The following PRKN variants were observed in gnomAD, a reference collection of about 807,000 sequenced individuals.
PRKN encodes parkin RBR E3 ubiquitin protein ligase, also known as E3 ubiquitin-protein ligase parkin.
In PRKN, 56 loss-of-function variants were observed where a neutral mutation model predicts 59.5. That is an observed-to-expected ratio of 0.94 (90% CI 0.76 to 1.18). The LOEUF is 1.18. Ranked by LOEUF, PRKN falls within the 50% of genes most tolerant of loss-of-function variation. PRKN has a pLI of 0.00. For synonymous variants in PRKN, 250 were observed against 222.1 expected (o/e 1.13, Z -1.12); for missense variants, 657 against 596.4 (o/e 1.10, Z -1.06).
chr6:161,962,662 G>A (rs1483603089), intron 6 of PRKN, among the ~76,000 whole-genome samples: 1 of 151,318 alleles, frequency 6.6e-6, no homozygotes, highest in Non-Finnish European at 1.5e-5. Flanking sequence ...TCAGCCTCCT[G>A]AGTAGCTGGG....
At chr6:162,110,486 T>C (rs780283153) in intron 4 of PRKN, among the ~76,000 whole-genome samples, 52 of 152,348 alleles carry the variant, frequency 3.4e-4, no homozygotes, top group Non-Finnish European at 6.3e-4. Context: ...CAAACTGTTC[T>C]TTAAAGAAGA....
intron 5 of PRKN, among the ~76,000 whole-genome samples, chr6:162,049,014 G>A (rs999303668): frequency 6.6e-6 from 1 of 152,042 alleles, no homozygotes; most frequent in African/African-American, 2.4e-5. Flanking sequence ...AGAACTAATA[G>A]TATGCTCCCT....
intron 4 of PRKN, among the ~76,000 whole-genome samples, chr6:162,060,094 G>C (rs1471132625): frequency 6.6e-6 from 1 of 152,124 alleles, no homozygotes; most frequent in Admixed American, 6.5e-5. Flanking sequence ...GAAAAAACTT[G>C]CCAACCCCTG....
In PRKN at chr6:162,458,444, A is replaced by AT. The variant is rs377109671; in HGVS notation, c.8-14972dup. ...TCCATCTCAAAAAAAAAAAAAAAAA[A>AT]TTTTTTTTAAATTAATAGAGGTTTG... On this transcript the variant is annotated intron_variant, in intron 1 of 11. Coordinates refer to ENST00000366898, the MANE Select transcript of PRKN (RefSeq NM_004562.3). 3.8e-3 allele frequency among the ~76,000 whole-genome samples: 529 copies of AT among 139,282 alleles called. 8 individuals are homozygous for AT. The highest frequency in any genetic ancestry group is 5.3e-3 in the South Asian group (23 of 4,340). 91.4% of individuals were successfully genotyped at this position (139,282 alleles called of 152,430 possible). A position where few individuals can be genotyped will look rare whatever the true frequency, so the allele number is the denominator to read the frequency against.
rs1346295942 is a variant in PRKN, at chr6:161,533,012, T to A, written c.1083+15842A>T. 6.6e-6 allele frequency among the ~76,000 whole-genome samples: 1 copy of A among 152,200 alleles called. No homozygotes were observed. The highest frequency in any genetic ancestry group is 1.5e-5 in the Non-Finnish European group (1 of 68,040). On this transcript the variant is annotated intron_variant, in intron 9 of 11. Coordinates refer to ENST00000366898, the MANE Select transcript of PRKN (RefSeq NM_004562.3). This position sits in a 1 kb window ranked among gnomAD's most constrained non-coding sequence, Gnocchi z 4.1. ...GACTTGTAAATATTAAACTCATATT[T>A]TTAGATTTAAAAAAGGCAGCAAATT...
At chr6:162,005,919 A>C (rs543529928) in intron 5 of PRKN, among the ~76,000 whole-genome samples, 1 of 152,222 alleles carries the variant, frequency 6.6e-6, no homozygotes, top group Non-Finnish European at 1.5e-5. Flanking sequence ...TTTTATAGCC[A>C]TTTGTGAATT....
chr6:162,675,518 A>G (rs1779511599), intron 1 of PRKN, among the ~76,000 whole-genome samples: 1 of 152,178 alleles, frequency 6.6e-6, no homozygotes, highest in Non-Finnish European at 1.5e-5. Context: ...AGGGGACAGC[A>G]TTTGAAGTCA....
At chr6:162,561,424 T>A (rs1245507457) in intron 1 of PRKN, among the ~76,000 whole-genome samples, 1 of 151,844 alleles carries the variant, frequency 6.6e-6, no homozygotes, top group Admixed American at 6.6e-5. Context: ...CCACCGTTCG[T>A]CCCCCGACCC....
intron 6 of PRKN, among the ~76,000 whole-genome samples, chr6:161,909,740 A>G (rs1438626987): frequency 6.6e-6 from 1 of 152,202 alleles, no homozygotes; most frequent in African/African-American, 2.4e-5. Context: ...CTTGAGGCCC[A>G]AAGAAGAGAT....
intron 1 of PRKN, among the ~76,000 whole-genome samples, chr6:162,484,380 A>G (rs1792449253): frequency 6.6e-6 from 1 of 152,160 alleles, no homozygotes; most frequent in Admixed American, 6.6e-5. Flanking sequence ...GGGCTGACAG[A>G]CCCTGCATAC....
At chr6:161,574,782 G>T (rs566223093) in intron 7 of PRKN, among the ~76,000 whole-genome samples, 1 of 152,062 alleles carries the variant, frequency 6.6e-6, no homozygotes, top group Non-Finnish European at 1.5e-5. Context: ...TAAGCACAAG[G>T]TTCTCCTTAA....
intron 4 of PRKN, among the ~76,000 whole-genome samples, chr6:162,148,786 G>A (rs1472485420): frequency 6.6e-6 from 1 of 152,160 alleles, no homozygotes; most frequent in Non-Finnish European, 1.5e-5. Context: ...CAGGAAATTA[G>A]GAAGTTCTCA....
chr6:162,014,630 A>G (rs954808424), intron 5 of PRKN, among the ~76,000 whole-genome samples: 3 of 151,996 alleles, frequency 2.0e-5, no homozygotes, highest in Non-Finnish European at 4.4e-5. Context: ...TCCTCCCTAT[A>G]CCACTCCCTA....
chr6:161,387,956 C>T (rs1008958046), intron 9 of PRKN, among the ~76,000 whole-genome samples: 2 of 152,192 alleles, frequency 1.3e-5, no homozygotes, highest in Non-Finnish European at 2.9e-5. Context: ...GGAACCAATG[C>T]CCTCTACCCG....
chr6:161,489,232 G>GGA (rs1554266669), intron 9 of PRKN, among the ~76,000 whole-genome samples: 1 of 147,584 alleles, frequency 6.8e-6, no homozygotes, highest in South Asian at 2.1e-4. Context: ...ATTCATACTG[G>GGA]AAAAAAAAAA....
chr6:161,397,229 CTT>C lies in PRKN; in HGVS notation c.1084-10354_1084-10353del, dbSNP rs1786804843. Among the ~76,000 whole-genome samples, 1 of 152,194 alleles carries C rather than the reference CTT, an allele frequency of 6.6e-6. No individual in the cohort carries two copies. On this transcript the variant is annotated intron_variant, in intron 9 of 11. Transcript: ENST00000366898. This position sits in a 1 kb window ranked among gnomAD's most constrained non-coding sequence, Gnocchi z 4.2. ...AGAACATAGTAGGTGATCAGTGTCTCTTTGTGGCAATCCAGGTGCTGGAGTCA... is the reference window on the plus strand; with the variant it reads ...AGAACATAGTAGGTGATCAGTGTCTCTGTGGCAATCCAGGTGCTGGAGTCA...
At chr6:162,640,022 A>G (rs1232859510) in intron 1 of PRKN, among the ~76,000 whole-genome samples, 1 of 152,116 alleles carries the variant, frequency 6.6e-6, no homozygotes, top group Non-Finnish European at 1.5e-5. Context: ...GATTTTATAT[A>G]TACCCATAAA....
chr6:161,366,247 G>A (rs1392245987), intron 10 of PRKN, among the ~76,000 whole-genome samples: 3 of 152,198 alleles, frequency 2.0e-5, no homozygotes, highest in Non-Finnish European at 4.4e-5. Context: ...TAGAGCCTGA[G>A]GTTGAGGCTT....
chr6:161,842,546 C>T (rs1793031842), intron 6 of PRKN, among the ~76,000 whole-genome samples: 1 of 151,328 alleles, frequency 6.6e-6, no homozygotes, highest in Non-Finnish European at 1.5e-5. Context: ...CCACTGAGGA[C>T]ACCTCTTCCT....
Sources: gnomAD v4.1 joint callset for allele counts (sites outside exome capture counted in the v4.1 genomes callset) on GRCh38, gnomAD v4.1.1 for gene constraint, Gnocchi (gnomAD v3.1) non-coding constraint, MANE v1.5 for transcripts, NCBI Gene and HGNC (gene_info 2026-07-23, HGNC 2026-07-21) for gene names.